The following MRTFA variants were observed in gnomAD, a reference collection of about 807,000 sequenced individuals.
The protein encoded by MRTFA is myocardin-related transcription factor A.
Under a neutral mutation model 83.5 loss-of-function variants are expected in MRTFA, and 20 were observed. The observed-to-expected ratio is 0.24, with a 90% confidence interval of 0.17 to 0.35. The LOEUF (loss-of-function observed/expected upper bound fraction) is 0.35. Among genes scored for constraint, MRTFA ranks in the 10% least tolerant of loss-of-function variants. The pLI, the probability that MRTFA is intolerant of heterozygous loss-of-function variation, is 1.00. For synonymous variants in MRTFA, 659 were observed against 541.2 expected, an observed-to-expected ratio of 1.22 and a Z score of -3.02; for missense variants, 1,200 against 1,224.7, an observed-to-expected ratio of 0.98 and a Z score of 0.30.
intron 4 of MRTFA, among the ~76,000 whole-genome samples, chr22:40,439,191 TCTTAA>T (rs1479904467): frequency 6.6e-6 from 1 of 152,162 alleles, no homozygotes; most frequent in Non-Finnish European, 1.5e-5. Context: ...TGTGTTGATT[TCTTAA>T]CTTCTTCAAA....
At chr22:40,491,459 G>C (rs991926344) in intron 3 of MRTFA, among the ~76,000 whole-genome samples, 6 of 152,136 alleles carry the variant, frequency 3.9e-5, no homozygotes, top group Non-Finnish European at 7.4e-5. Context: ...CGCAATACAA[G>C]TAAAAAGCCT....
At chr22:40,599,955 G>C (rs1323548138) in intron 1 of MRTFA, among the ~76,000 whole-genome samples, 1 of 134,310 alleles carries the variant, frequency 7.4e-6, no homozygotes, top group Admixed American at 7.6e-5. Context: ...ATGAAGAGGG[G>C]AAAAAGGAAA....
chr22:40,613,337 C>A (rs1361369898), intron 1 of MRTFA, among the ~76,000 whole-genome samples: 1 of 152,090 alleles, frequency 6.6e-6, no homozygotes, highest in African/African-American at 2.4e-5. Context: ...GTTTTCATTT[C>A]TCTTGGGTAA....
chr22:40,424,837 G>A (rs545770690), intron 7 of MRTFA, among the ~76,000 whole-genome samples: 2 of 152,294 alleles, frequency 1.3e-5, no homozygotes, highest in Non-Finnish European at 2.9e-5. Context: ...ATGGTGCAGT[G>A]AGGGCTCTGA....
intron 2 of MRTFA, among the ~76,000 whole-genome samples, chr22:40,562,084 G>A (rs951323562): frequency 2.3e-4 from 35 of 152,078 alleles, no homozygotes; most frequent in African/African-American, 8.5e-4. Flanking sequence ...GGACGTGGTG[G>A]TGGGCACCTG....
chr22:40,519,756 G>T (rs960935847), intron 3 of MRTFA: 1 of 434,974 alleles, frequency 2.3e-6, no homozygotes, highest in East Asian at 6.3e-5. Flanking sequence ...TAAGAGCAAA[G>T]TCTGAGTGAA....
chr22:40,623,483 C>A (rs1016095946), intron 1 of MRTFA, among the ~76,000 whole-genome samples: 2 of 151,180 alleles, frequency 1.3e-5, no homozygotes, highest in African/African-American at 4.9e-5. Context: ...CCCCCAACCC[C>A]GATACTGTCC....
intron 4 of MRTFA, among the ~76,000 whole-genome samples, chr22:40,444,796 A>G (rs1485087994): frequency 6.6e-6 from 1 of 151,960 alleles, no homozygotes; most frequent in East Asian, 1.9e-4. Context: ...GGCCTGGTGC[A>G]GTGGCTCACA....
At chr22:40,477,527 T>C (rs1252536292) in intron 3 of MRTFA, among the ~76,000 whole-genome samples, 1 of 152,110 alleles carries the variant, frequency 6.6e-6, no homozygotes. Flanking sequence ...AACTAATCCA[T>C]ATACCCTTTG....
rs1426222041 is a variant in MRTFA at position 40,411,838 on chromosome 22, C to A, written c.2648G>T (p.Cys883Phe). 6.6e-7 allele frequency: 1 copy of A among 1,508,348 alleles called. No individual in the cohort carries two copies. The highest frequency in any genetic ancestry group is 8.9e-7 in the Non-Finnish European group (1 of 1,126,570). 93.4% of individuals were successfully genotyped at this position (1,508,348 alleles called of 1,614,324 possible). A position where few individuals can be genotyped will look rare whatever the true frequency, so the allele number is the denominator to read the frequency against. ...TGGCTGTGCTGCCAGGGGGGACCCACAGACTGTCTTCGGGGATGGCTTCTC... is the reference window on the plus strand; with the variant it reads ...TGGCTGTGCTGCCAGGGGGGACCCAAAGACTGTCTTCGGGGATGGCTTCTC... The change falls in exon 15 of 15, where the codon TGT becomes TTT. Residue 883 changes from cysteine to phenylalanine, a missense_variant. Physicochemically the swap from Cys to Phe is radical, Grantham distance 205. Around this residue, in one of 2 missense-constraint regions of MRTFA, gnomAD observed 1,107 missense variants for 1,041.8 expected, o/e 1.06. Coordinates refer to ENST00000355630, the MANE Select transcript of MRTFA (RefSeq NM_020831.6).
chr22:40,612,379 A>G (rs999835345), intron 1 of MRTFA, among the ~76,000 whole-genome samples: 13 of 152,364 alleles, frequency 8.5e-5, no homozygotes, highest in African/African-American at 3.1e-4. Flanking sequence ...CATTCATTCA[A>G]CAGAAATGTG....
chr22:40,630,517 T>C (rs577826226), intron 1 of MRTFA, among the ~76,000 whole-genome samples: 1 of 152,290 alleles, frequency 6.6e-6, no homozygotes, highest in East Asian at 1.9e-4. Flanking sequence ...TGAATCCATT[T>C]CTATTTCCTT....
intron 14 of MRTFA, among the ~76,000 whole-genome samples, chr22:40,413,062 G>T (rs137991371): frequency 6.7e-6 from 1 of 149,272 alleles, no homozygotes; most frequent in Non-Finnish European, 1.5e-5. Context: ...GCTTGAACCC[G>T]GGAGGCGGAG....
chr22:40,463,675 C>A (rs971154556), intron 3 of MRTFA, among the ~76,000 whole-genome samples: 1 of 151,934 alleles, frequency 6.6e-6, no homozygotes, highest in African/African-American at 2.4e-5. Context: ...CTACGCTTAA[C>A]AAATGTTTAC....
rs138074204 is a variant in MRTFA at position 40,517,892 on chromosome 22, G to A, written c.241+34214C>T. Among the ~76,000 whole-genome samples, 451 of 152,222 alleles carry A rather than the reference G, an allele frequency of 3.0e-3. 5 individuals carry two copies. The highest frequency in any genetic ancestry group is 3.8e-3 in the Non-Finnish European group (261 of 68,016). ...TCTGACTTCTGGGGATGCAAGAGGGGCTGGAGATTGACCTACTCATCAATG... is the reference window on the plus strand; with the variant it reads ...TCTGACTTCTGGGGATGCAAGAGGGACTGGAGATTGACCTACTCATCAATG... On this transcript the variant is annotated intron_variant, in intron 3 of 14. Transcript: ENST00000355630.
At chr22:40,467,265 AG>A (rs1402603155) in intron 3 of MRTFA, among the ~76,000 whole-genome samples, 2 of 152,128 alleles carry the variant, frequency 1.3e-5, no homozygotes, top group African/African-American at 4.8e-5. Flanking sequence ...GGTTACAAAG[AG>A]GGGGAAAAAA....
rs766444653 is a variant in MRTFA, at chr22:40,418,663, C to T, written c.2075G>A (p.Gly692Asp). 3 of 1,527,892 alleles carry T rather than the reference C, an allele frequency of 2.0e-6. No individual in the cohort carries two copies. The highest frequency in any genetic ancestry group is 2.6e-6 in the Non-Finnish European group (3 of 1,146,492). The allele number at this position is 1,527,892 out of a possible 1,614,324, so 94.6% of individuals were successfully genotyped here. ...GCTGGGGTTGAATGGGTGAGCGGGG[C>T]CCAGGGGCTGCTGGCTCAGCTGGCA... Residue 692 changes from glycine to aspartate, a missense_variant, in exon 12 of 15, where the codon GGC becomes GAC. Coordinates refer to ENST00000355630, the MANE Select transcript of MRTFA (RefSeq NM_020831.6).
rs530547515 is a variant in MRTFA at position 40,419,607 on chromosome 22, T to C, written c.1354-223A>G. Reference sequence around the variant, plus strand: ...GGGTCTGGTTAAAATGCTCCCCACCTATGCAGGCAACGGGGGCTGGTACAT... The same window carrying C: ...GGGTCTGGTTAAAATGCTCCCCACCCATGCAGGCAACGGGGGCTGGTACAT... On this transcript the variant is annotated intron_variant, in intron 11 of 14. Coordinates refer to ENST00000355630, the MANE Select transcript of MRTFA (RefSeq NM_020831.6). 3.9e-5 allele frequency among the ~76,000 whole-genome samples: 6 copies of C among 152,276 alleles called. No homozygotes were observed. The East Asian group carries it at 1.2e-3, about 29-fold the overall frequency.
intron 3 of MRTFA, among the ~76,000 whole-genome samples, chr22:40,524,829 CAG>C (rs1400500863): frequency 2.0e-5 from 3 of 152,172 alleles, no homozygotes; most frequent in African/African-American, 7.2e-5. Flanking sequence ...GTTTTTGAGA[CAG>C]AGTTTTGCTC....
Sources: allele counts gnomAD v4.1 joint callset (sites outside exome capture counted in the v4.1 genomes callset), GRCh38; gene constraint gnomAD v4.1.1; regional missense constraint gnomAD v4.1.1; transcripts MANE v1.5; gene names NCBI Gene and HGNC (gene_info 2026-07-23, HGNC 2026-07-21).